Variants in COL11A1 observed in about 807,000 individuals in gnomAD.
The protein encoded by COL11A1 is collagen alpha-1(XI) chain.
A neutral mutation model predicts 265.2 loss-of-function variants in COL11A1; 74 were observed. The observed-to-expected ratio is 0.28, with a 90% CI of 0.23 to 0.34. The LOEUF is 0.34. Ranked by LOEUF, COL11A1 falls within the 10% of genes least tolerant of loss-of-function variation. The probability of loss-of-function intolerance (pLI) is 1.00; values close to 1 mark genes in which losing one functional copy is unlikely to be tolerated. For missense variants in COL11A1, 2,165 were observed against 2,263.6 expected, an observed-to-expected ratio of 0.96 and a Z score of 0.88; for synonymous variants, 816 against 727.6, an observed-to-expected ratio of 1.12 and a Z score of -1.96.
intron 6 of COL11A1, chr1:103,026,001 G>T: frequency 6.4e-7 from 1 of 1,562,872 alleles, no homozygotes; most frequent in Non-Finnish European, 8.8e-7. Context: ...TAAACGAGGA[G>T]GGAAATATAG....
chr1:102,892,920 T>C (rs1250630987), intron 57 of COL11A1, among the ~76,000 whole-genome samples: 1 of 152,046 alleles, frequency 6.6e-6, no homozygotes, highest in Non-Finnish European at 1.5e-5. Flanking sequence ...ATCCTCAGAG[T>C]CAAATTTATA....
rs142473371 is a variant in COL11A1 at position 102,888,981 on chromosome 1, T to A, written c.4465-62A>T. 5.0e-3 allele frequency: 7,442 copies of A among 1,476,746 alleles called. 27 individuals carry two copies. Among genetic ancestry groups the A allele is most frequent in the Non-Finnish European group, 6.1e-3 (6,459 of 1,055,772 alleles). The allele number at this position is 1,476,746 out of a possible 1,614,324, so 91.5% of individuals were successfully genotyped here. On this transcript the variant is annotated intron_variant, in intron 59 of 66. Coordinates refer to ENST00000370096, the MANE Select transcript of COL11A1 (RefSeq NM_001854.4). ...CAGCTATTTCATTTTCATGTTTTCA[T>A]AACTTTTCAATATTTTCATAACAGC...
In COL11A1 at chr1:103,059,231, G is replaced by A. The variant is rs1260256765; in HGVS notation, c.651+15387C>T. Among the ~76,000 whole-genome samples the A allele has an allele frequency of 3.3e-5, 5 of 152,210 alleles. No homozygotes were observed. The East Asian group carries it at 9.7e-4, about 29-fold the overall frequency. On this transcript the variant is annotated intron_variant, in intron 4 of 66. Transcript: ENST00000370096. ...ACAGCTCCCTCTGGTCTTCCATGTG[G>A]AAGAAGGAAAATAACCCCAGCCACC...
chr1:103,040,930 C>G (rs994075985), intron 4 of COL11A1, among the ~76,000 whole-genome samples: 6 of 151,676 alleles, frequency 4.0e-5, no homozygotes, highest in Non-Finnish European at 8.9e-5. Flanking sequence ...ACATTTAGAG[C>G]ACATCTCAAT....
At chr1:103,078,596 A>T (rs1672159155) in intron 3 of COL11A1, 62 bp downstream of exon 3, 1 of 1,483,614 alleles carries the variant, frequency 6.7e-7, no homozygotes, top group African/African-American at 1.4e-5. Flanking sequence ...ATATTTGTTA[A>T]GTGACTGAAT....
chr1:103,101,733 C>T (rs959535361), intron 1 of COL11A1, among the ~76,000 whole-genome samples: 3 of 149,434 alleles, frequency 2.0e-5, no homozygotes, highest in Non-Finnish European at 4.5e-5. Context: ...GAAAGAAATG[C>T]TTTTTAAGAA....
rs371191885 is a variant in COL11A1, at chr1:102,982,712, T to C, written c.2556+1426A>G. On this transcript the variant is annotated intron_variant, in intron 31 of 66. Coordinates refer to ENST00000370096, the MANE Select transcript of COL11A1 (RefSeq NM_001854.4). Reference sequence around the variant, plus strand: ...CCCCTGCTACTCAAGGAAGTATTTTTGGGGAAACTCAATGAAAAAATTGTA... The same window carrying C: ...CCCCTGCTACTCAAGGAAGTATTTTCGGGGAAACTCAATGAAAAAATTGTA... Among the ~76,000 whole-genome samples, 74 of 152,182 alleles carry C rather than the reference T, an allele frequency of 4.9e-4. 1 individual carries two copies. Among genetic ancestry groups the C allele is most frequent in the South Asian group, 3.3e-3 (16 of 4,830 alleles).
At chr1:103,066,528 C>A (rs1671161604) in intron 4 of COL11A1, among the ~76,000 whole-genome samples, 4 of 113,966 alleles carry the variant, frequency 3.5e-5, no homozygotes, top group East Asian at 2.6e-4. Flanking sequence ...TGGAATACTA[C>A]AAAATATTCA....
rs772204282 is a variant in COL11A1, at chr1:102,921,568, G to A, written c.3658C>T (p.Pro1220Ser). The A allele has an allele frequency of 2.5e-6, 4 of 1,612,304 alleles. No homozygotes were observed. The South Asian group carries it at 3.3e-5, about 13-fold the overall frequency. ...CCTCTTGGGCCTGGAGGACCAGGTG[G>A]CCCCTGTAAGAGAGAAATATTGAGG... ...GENGDVGPMG[P>S]PGPPGPRGPQ... Residue 1220 changes from proline (P) to serine (S), a missense_variant, in exon 48 of 67, where the codon CCA becomes TCA. Pro to Ser is a moderately conservative substitution (Grantham distance 74, BLOSUM62 -1). Transcript: ENST00000370096.
chr1:102,999,226 A>G (rs560389858), intron 24 of COL11A1, among the ~76,000 whole-genome samples: 1 of 152,106 alleles, frequency 6.6e-6, no homozygotes, highest in East Asian at 1.9e-4. Flanking sequence ...AAGTACAATC[A>G]TTGTATTCAT....
At chr1:102,900,016 G>C (rs1395848989) in intron 54 of COL11A1, among the ~76,000 whole-genome samples, 1 of 152,038 alleles carries the variant, frequency 6.6e-6, no homozygotes, top group Non-Finnish European at 1.5e-5. Context: ...TGTAATATCA[G>C]TATAGCAAAA....
intron 4 of COL11A1, among the ~76,000 whole-genome samples, chr1:103,058,447 A>T (rs1577803): frequency 0.058 from 8,766 of 152,162 alleles, 289 homozygotes; most frequent in Non-Finnish European, 0.077. Flanking sequence ...CTTTAAAAAT[A>T]TTTTCCTTTG....
intron 2 of COL11A1, among the ~76,000 whole-genome samples, chr1:103,082,587 A>G (rs1045243918): frequency 2.6e-5 from 4 of 151,968 alleles, no homozygotes; most frequent in Admixed American, 2.0e-4. Context: ...AAGACTGGCA[A>G]TTATCAAATT....
intron 7 of COL11A1, 77 bp downstream of exon 7, chr1:103,025,444 T>C (rs1251980522): frequency 9.9e-7 from 1 of 1,008,238 alleles, no homozygotes; most frequent in East Asian, 2.4e-5. Context: ...TATAGATTCT[T>C]CCAGAGTGAA....
At chr1:102,884,751 G>A (rs998125007) in intron 63 of COL11A1, among the ~76,000 whole-genome samples, 5 of 152,158 alleles carry the variant, frequency 3.3e-5, no homozygotes, top group Non-Finnish European at 5.9e-5. Flanking sequence ...GCATGCCAAT[G>A]TAGAAAACCC....
At chr1:103,002,273 A>C (rs1015776133) in intron 23 of COL11A1, among the ~76,000 whole-genome samples, 155 bp downstream of exon 23, 2 of 152,100 alleles carry the variant, frequency 1.3e-5, no homozygotes, top group African/African-American at 2.4e-5. Flanking sequence ...AGTTTGCTCA[A>C]ATTTTTTTAA....
At chr1:102,931,301 C>A (rs1657406683) in intron 46 of COL11A1, among the ~76,000 whole-genome samples, 1 of 151,010 alleles carries the variant, frequency 6.6e-6, no homozygotes, top group South Asian at 2.1e-4. Context: ...TGTCTTTGTT[C>A]TCATTGGTTT....
intron 2 of COL11A1, among the ~76,000 whole-genome samples, chr1:103,082,199 T>C (rs1263488306): frequency 6.6e-6 from 1 of 152,018 alleles, no homozygotes; most frequent in East Asian, 1.9e-4. Context: ...AGCTGATATT[T>C]TAAAAAAATC....
At chr1:102,951,469 G>A (rs1430883793) in intron 41 of COL11A1, among the ~76,000 whole-genome samples, 3 of 152,130 alleles carry the variant, frequency 2.0e-5, no homozygotes, top group Non-Finnish European at 2.9e-5. Context: ...AGGCCAAGGC[G>A]GGCGGATCAC....
Sources: allele counts gnomAD v4.1 joint callset (sites outside exome capture counted in the v4.1 genomes callset), GRCh38; gene constraint gnomAD v4.1.1; transcripts MANE v1.5; gene names NCBI Gene and HGNC (gene_info 2026-07-23, HGNC 2026-07-21).